Variants in TSC2 observed in about 807,000 individuals in gnomAD.
TSC2 encodes TSC complex subunit 2, also known as tuberin.
Under a neutral mutation model 202.2 loss-of-function variants are expected in TSC2, and 29 were observed. That is an observed-to-expected ratio of 0.14 (90% confidence interval 0.11 to 0.20). The LOEUF (loss-of-function observed/expected upper bound fraction) is 0.20, where lower values mean the gene tolerates loss of function less well. TSC2 is among the 10% of genes least tolerant of loss of function. TSC2 has a pLI of 1.00. For missense variants in TSC2, 2,429 were observed against 2,420.0 expected (o/e 1.00, Z -0.08); for synonymous variants, 1,349 against 1,044.0 (o/e 1.29, Z -5.63).
intron 16 of TSC2, 78 bp from the exon 17 acceptor site, chr16:2,070,378 T>G (rs2088095715): frequency 1.9e-6 from 3 of 1,611,936 alleles, no homozygotes; most frequent in Admixed American, 1.7e-5. Context: ...CCCCGGCCCC[T>G]GCTCCGGGAC....
intron 14 of TSC2, chr16:2,063,319 C>T (rs1385731584): frequency 1.7e-6 from 1 of 588,498 alleles, no homozygotes; most frequent in African/African-American, 1.9e-5. Flanking sequence ...GGTTTTCACC[C>T]AACACAGGAG....
intron 15 of TSC2, chr16:2,064,966 T>C (rs1299966054): frequency 5.1e-6 from 1 of 194,210 alleles, no homozygotes; most frequent in Non-Finnish European, 1.1e-5. Flanking sequence ...ATATAAAAAT[T>C]AGCTGCACGT....
rs946885769 is a variant in TSC2, at chr16:2,088,832, G to A, written c.*222G>A. On this transcript the variant is annotated 3_prime_UTR_variant, in exon 42 of 42. Coordinates refer to ENST00000219476, the MANE Select transcript of TSC2 (RefSeq NM_000548.5). ...CAGAAGCAGGCACAGCCAGCTCCGA[G>A]GGCCTTGAGGCTGCCTGGGCCATAC... 4.8e-6 allele frequency: 3 copies of A among 619,034 alleles called. No homozygotes were observed. Among genetic ancestry groups the A allele is most frequent in the South Asian group, 2.0e-5 (1 of 50,986 alleles). The allele number at this position is 619,034 out of a possible 1,614,324, so 38.3% of individuals were successfully genotyped here.
chr16:2,061,552 G>A, intron 11 of TSC2: 1 of 443,564 alleles, frequency 2.3e-6, no homozygotes, highest in Non-Finnish European at 4.2e-6. Flanking sequence ...AGCTGCATGG[G>A]CACAGCCAAG....
chr16:2,071,695 C>T (rs749363996), intron 18 of TSC2, 79 bp downstream of exon 18: 1 of 1,600,542 alleles, frequency 6.2e-7, no homozygotes, highest in Admixed American at 1.7e-5. Flanking sequence ...GTTTGCATGT[C>T]TGAGGGATGT....
rs1800725 is a variant in TSC2 at position 2,060,794 on chromosome 16, G to A, written c.1100G>A (p.Arg367Gln). The change falls in exon 11 of 42, where the codon CGG becomes CAG. Residue 367 changes from arginine to glutamine, a missense_variant. Coordinates refer to ENST00000219476, the MANE Select transcript of TSC2 (RefSeq NM_000548.5). ...AWDILLNIIE[R>Q]LLQQLQTLDS... ...GACATTCTGCTGAACATCATCGAAC[G>A]GCTCCTTCAGCAGCTCCAGGTGGGG... is the stretch of plus-strand genomic sequence containing the variant. 25,998 of 1,613,742 alleles carry A rather than the reference G, an allele frequency of 0.016. 287 individuals carry two copies. The highest frequency in any genetic ancestry group is 0.018 in the South Asian group (1,611 of 91,072).
intron 20 of TSC2, 126 bp downstream of exon 20, chr16:2,072,489 G>A (rs2088616007): frequency 1.4e-6 from 2 of 1,431,628 alleles, no homozygotes; most frequent in Non-Finnish European, 1.9e-6. Flanking sequence ...AAACTCAGCT[G>A]CACTCTGGAG....
intron 10 of TSC2, among the ~76,000 whole-genome samples, chr16:2,059,278 A>G (rs2086309339): frequency 6.6e-6 from 1 of 150,722 alleles, no homozygotes; most frequent in African/African-American, 2.4e-5. Context: ...TCAGACTCCC[A>G]AAGTGCTAGG....
At chr16:2,059,779 A>G (rs1430632866) in intron 10 of TSC2, among the ~76,000 whole-genome samples, 1 of 152,112 alleles carries the variant, frequency 6.6e-6, no homozygotes, top group African/African-American at 2.4e-5. Flanking sequence ...TCAGCCTCCC[A>G]AAGTGCTGGA....
Position 2,086,258 on chromosome 16 carries a change from G to T in TSC2, c.4728G>T (p.Thr1576=), listed in dbSNP as rs752642825. 1 of 1,612,816 alleles carries T rather than the reference G, an allele frequency of 6.2e-7. No homozygotes were observed. Among genetic ancestry groups the T allele is most frequent in the Non-Finnish European group, 8.5e-7 (1 of 1,179,966 alleles). The change falls in exon 37 of 42, where the codon ACG becomes ACT. Residue 1576 remains threonine (T), a synonymous_variant. Coordinates refer to ENST00000219476, the MANE Select transcript of TSC2 (RefSeq NM_000548.5). The part of the protein sequence containing the change: ...HGSYRYTEFL[T]GLGRLIELKD... ...CCTACAGGTACACGGAGTTCCTGAC[G>T]GGCCTGGGCCGGCTCATCGAGCTGA...
chr16:2,081,770 A>G lies in TSC2; in HGVS notation c.3786A>G (p.Lys1262=), dbSNP rs752513898. ...SLSVPAASTA[K]PPPLPRSNTV... Reference sequence around the variant, plus strand: ...CGGTGCCGGCAGCCAGCACGGCCAAACCCCCTCCTCTGCCTCGCTCCAACA... The same window carrying G: ...CGGTGCCGGCAGCCAGCACGGCCAAGCCCCCTCCTCTGCCTCGCTCCAACA... The change falls in exon 31 of 42, where the codon AAA becomes AAG. Residue 1262 remains lysine, a synonymous_variant. Transcript: ENST00000219476. 1.9e-6 allele frequency: 3 copies of G among 1,612,462 alleles called. No homozygotes were observed. The highest frequency in any genetic ancestry group is 2.5e-6 in the Non-Finnish European group (3 of 1,179,946).
At chr16:2,073,086 C>A in intron 21 of TSC2, 103 bp downstream of exon 21, 1 of 1,555,910 alleles carries the variant, frequency 6.4e-7, no homozygotes, top group South Asian at 1.2e-5. Flanking sequence ...TTCTGCCAGG[C>A]CAGGGATGAG....
intron 2 of TSC2, 38 bp from the exon 3 acceptor site, chr16:2,050,362 G>C (rs2150993869): frequency 6.3e-7 from 1 of 1,599,032 alleles, no homozygotes; most frequent in Non-Finnish European, 8.6e-7. Context: ...ACCGTGGCCT[G>C]AGCACTGGCC....
rs1397677711 is a variant in TSC2, at chr16:2,054,325, C to T, written c.366C>T (p.Leu122=). The stretch of plus-strand genomic sequence containing the variant: ...AGCGTTTGGGGGTCCTCAGAGCCCT[C>T]TTCTTTAAGGTCATCAAGGATTACC... ...QGERLGVLRA[L]FFKVIKDYPS... is the part of the protein sequence containing the mutation. Residue 122 remains leucine (L), a synonymous_variant, in exon 5 of 42, where the codon CTC becomes CTT. Transcript: ENST00000219476. 6.2e-7 allele frequency: 1 copy of T among 1,614,176 alleles called. No individual in the cohort carries two copies. Among genetic ancestry groups the T allele is most frequent in the Non-Finnish European group, 8.5e-7 (1 of 1,180,016 alleles).
chr16:2,070,643 G>T, intron 17 of TSC2, 65 bp downstream of exon 17: 1 of 1,609,622 alleles, frequency 6.2e-7, no homozygotes, highest in South Asian at 1.1e-5. Context: ...GTCTCGGCAG[G>T]TGTGGTTCCT....
At chr16:2,070,926 G>A (rs546156670) in intron 17 of TSC2, among the ~76,000 whole-genome samples, 1 of 152,164 alleles carries the variant, frequency 6.6e-6, no homozygotes, top group Non-Finnish European at 1.5e-5. Context: ...GGCGGCACAG[G>A]GCAGAGCTGA....
intron 33 of TSC2, among the ~76,000 whole-genome samples, 200 bp downstream of exon 33, chr16:2,084,016 C>G (rs2090456618): frequency 6.6e-6 from 1 of 152,250 alleles, no homozygotes; most frequent in Non-Finnish European, 1.5e-5. Context: ...AGCCTGTGGT[C>G]TCAGGGGATG....
In TSC2 at chr16:2,089,037, C is replaced by G. The variant is rs1235658417; in HGVS notation, c.*427C>G. On this transcript the variant is annotated 3_prime_UTR_variant, in exon 42 of 42. Coordinates refer to ENST00000219476, the MANE Select transcript of TSC2 (RefSeq NM_000548.5). ...GGCCTGGGCGCTGCTCTCTTGCTAC[C>G]TGGCCTGGGGCAAGGGAGGATGACA... is the stretch of plus-strand genomic sequence containing the variant. 5.0e-6 allele frequency: 1 copy of G among 200,816 alleles called. No homozygotes were observed. The highest frequency in any genetic ancestry group is 2.3e-5 in the African/African-American group (1 of 42,890). The allele number at this position is 200,816 out of a possible 1,614,324, so 12.4% of individuals were successfully genotyped here.
chr16:2,053,811 A>T, intron 4 of TSC2: 1 of 515,494 alleles, frequency 1.9e-6, no homozygotes, highest in African/African-American at 1.9e-5. Context: ...TGCTCACTGC[A>T]TTCCATCTGT....
Sources: gnomAD v4.1 joint callset for allele counts (sites outside exome capture counted in the v4.1 genomes callset) on GRCh38, gnomAD v4.1.1 for gene constraint, MANE v1.5 for transcripts, NCBI Gene and HGNC (gene_info 2026-07-23, HGNC 2026-07-21) for gene names.